The following AMZ1 variants were observed in gnomAD, a reference collection of about 807,000 sequenced individuals.
The protein encoded by AMZ1 is archaelysin family metallopeptidase 1, also known as archaemetzincin-1.
In AMZ1, 39 loss-of-function variants were observed where a neutral mutation model predicts 29.9. The observed-to-expected ratio is 1.30, with a 90% CI of 1.01 to 1.70. AMZ1 has a LOEUF of 1.70. Among genes scored for constraint, AMZ1 ranks in the 40% most tolerant of loss-of-function variants. The pLI, the probability that AMZ1 is intolerant of heterozygous loss-of-function variation, is 0.00. For missense variants in AMZ1, 1,041 were observed against 680.6 expected (o/e 1.53, Z -5.89); for synonymous variants, 458 against 304.0 (o/e 1.51, Z -5.27).
intron 1 of AMZ1, among the ~76,000 whole-genome samples, chr7:2,691,299 G>C (rs1353450317): frequency 1.4e-5 from 2 of 148,110 alleles, no homozygotes; most frequent in Non-Finnish European, 2.9e-5. Flanking sequence ...GTGAGGACTG[G>C]AGTCAGGGGT....
At chr7:2,740,721 T>C (rs762009564) in intron 4 of AMZ1, among the ~76,000 whole-genome samples, 2 of 152,172 alleles carry the variant, frequency 1.3e-5, no homozygotes, top group Non-Finnish European at 2.9e-5. Context: ...AGATGTTTAA[T>C]AGTTCAAATT....
chr7:2,692,320 C>T (rs1008718854), intron 1 of AMZ1, among the ~76,000 whole-genome samples: 28 of 152,128 alleles, frequency 1.8e-4, no homozygotes, highest in Admixed American at 1.8e-3. Context: ...GCGGGCGGAT[C>T]ATGAGGTCAG....
At chr7:2,684,909 G>C (rs1480652576), upstream of AMZ1, among the ~76,000 whole-genome samples, 8 of 141,202 alleles carry the variant, frequency 5.7e-5, no homozygotes, top group Admixed American at 3.8e-4. Flanking sequence ...AGTCTCTGTC[G>C]CCCAGGCTGG....
At chr7:2,764,979 C>T (rs1791744334) in intron 1 of AMZ1, 1 of 152,188 alleles carries the variant, frequency 6.6e-6, no homozygotes, top group African/African-American at 2.4e-5. Context: ...AAGTAATAAG[C>T]AGTTTGCTTT....
At chr7:2,757,543 G>C (rs772689248) in intron 4 of AMZ1, among the ~76,000 whole-genome samples, 1 of 152,188 alleles carries the variant, frequency 6.6e-6, no homozygotes, top group African/African-American at 2.4e-5. Context: ...ACAAGCCTTA[G>C]ATGGGAACGC....
In AMZ1 at chr7:2,731,840, A is replaced by G. The variant is rs889897945; in HGVS notation, n.550+22024A>G. 7 of 688,012 alleles carry G rather than the reference A, an allele frequency of 1.0e-5. No homozygotes were observed. In the African/African-American group the frequency reaches 1.2e-4, roughly 12 times the overall value. 42.6% of individuals were successfully genotyped at this position (688,012 alleles called of 1,614,324 possible). On this transcript the variant is annotated intron_variant and non_coding_transcript_variant, in intron 4 of 4. Transcript: ENST00000489665. The surrounding 1 kb of genome is among the most constrained non-coding windows in gnomAD (Gnocchi z 6.0). ...AAAAGATGGCAAAAAGATAAGAAGG[A>G]AAGAGACTGACTTTTGCAACAGGTT...
Position 2,713,000 on chromosome 7 carries a change from G to T in AMZ1, c.*122G>T, listed in dbSNP as rs1336223022. 28 of 1,132,674 alleles carry T rather than the reference G, an allele frequency of 2.5e-5. No homozygotes were observed. The highest frequency in any genetic ancestry group is 3.2e-5 in the Non-Finnish European group (27 of 856,510). 70.2% of individuals were successfully genotyped at this position (1,132,674 alleles called of 1,614,324 possible). ...AGGGTCTGCCTGGGTGGTGGCTCAG[G>T]CCTGTCATCCCATCACTTTGAGAGG... On this transcript the variant is annotated 3_prime_UTR_variant, in exon 7 of 7. Transcript: ENST00000683327.
upstream of AMZ1, among the ~76,000 whole-genome samples, chr7:2,684,231 C>T (rs189745829): frequency 6.6e-6 from 1 of 152,178 alleles, no homozygotes; most frequent in Admixed American, 6.5e-5. Flanking sequence ...CAATGAGGAA[C>T]CTCTTTCTGT....
At chr7:2,735,110 C>G (rs1790099319) in intron 4 of AMZ1, among the ~76,000 whole-genome samples, 1 of 98,034 alleles carries the variant, frequency 1.0e-5, no homozygotes, top group Admixed American at 1.1e-4. Flanking sequence ...GTTGGGTGCA[C>G]TCACTCCCTG....
intron 1 of AMZ1, among the ~76,000 whole-genome samples, chr7:2,690,662 G>C (rs1242108608): frequency 6.6e-6 from 1 of 152,038 alleles, no homozygotes; most frequent in South Asian, 2.1e-4. Flanking sequence ...GTGTGCAAAC[G>C]GCCTCTGTGG....
At chr7:2,743,454 T>G (rs2115335863) in intron 4 of AMZ1, among the ~76,000 whole-genome samples, 1 of 152,334 alleles carries the variant, frequency 6.6e-6, no homozygotes, top group South Asian at 2.1e-4. Context: ...GATACTGGGA[T>G]GGCTTGACAC....
At chr7:2,747,949 C>A (rs1278859003) in intron 4 of AMZ1, among the ~76,000 whole-genome samples, 2 of 151,332 alleles carry the variant, frequency 1.3e-5, no homozygotes, top group Middle Eastern at 3.2e-3. Flanking sequence ...ATCCAACTTA[C>A]AAGGGATGTG....
chr7:2,719,136 G>A lies in AMZ1; in HGVS notation c.*6258G>A, dbSNP rs757064414. On this transcript the variant is annotated 3_prime_UTR_variant, in exon 7 of 7. Transcript: ENST00000683327. Reference sequence around the variant, plus strand: ...CTTGTGAGGGCTCGAGGCCTTTACTGGATGGGCAGGATGCGGGCAGCAGCT... The same window carrying A: ...CTTGTGAGGGCTCGAGGCCTTTACTAGATGGGCAGGATGCGGGCAGCAGCT... Among the ~76,000 whole-genome samples, 2 of 152,120 alleles carry A rather than the reference G, an allele frequency of 1.3e-5. No individual in the cohort carries two copies. The highest frequency in any genetic ancestry group is 2.9e-5 in the Non-Finnish European group (2 of 68,024).
chr7:2,704,586 C>A (rs1367069473), intron 3 of AMZ1, among the ~76,000 whole-genome samples: 2 of 127,430 alleles, frequency 1.6e-5, no homozygotes, highest in African/African-American at 7.7e-5. Context: ...AGCAGTGTCA[C>A]GCTTTTTTTT....
chr7:2,733,342 G>C, intron 4 of AMZ1: 1 of 839,246 alleles, frequency 1.2e-6, no homozygotes, highest in Admixed American at 2.0e-5. Context: ...GACAGAACAA[G>C]CTCGGCCTGT....
At chr7:2,686,374 A>G (rs1052771887), upstream of AMZ1, among the ~76,000 whole-genome samples, 1 of 152,048 alleles carries the variant, frequency 6.6e-6, no homozygotes, top group Non-Finnish European at 1.5e-5. Context: ...CTCTACATAA[A>G]AGTTTCAAAA....
chr7:2,699,701 A>C (rs977321614), intron 1 of AMZ1, among the ~76,000 whole-genome samples: 1 of 151,848 alleles, frequency 6.6e-6, no homozygotes, highest in African/African-American at 2.4e-5. Context: ...GTAAGGAGGA[A>C]CCCCAGGCGA....
At position 2,731,152 on chromosome 7, in the gene AMZ1, AACG is replaced by A. The variant is rs1323198425; in HGVS notation, n.550+21342_550+21344del. On this transcript the variant is annotated intron_variant and non_coding_transcript_variant, in intron 4 of 4. Coordinates refer to the AMZ1 transcript ENST00000489665. This position sits in a 1 kb window ranked among gnomAD's most constrained non-coding sequence, Gnocchi z 6.0. ...TGACCGACAGCCGTGGGGGCTGCTCAACGACGACAAACCCCGGGGCTTCCTCGC... is the reference window on the plus strand; with the variant it reads ...TGACCGACAGCCGTGGGGGCTGCTCAACGACAAACCCCGGGGCTTCCTCGC... 6.6e-7 allele frequency: 1 copy of A among 1,516,722 alleles called. No individual in the cohort carries two copies. The highest frequency in any genetic ancestry group is 9.1e-7 in the Non-Finnish European group (1 of 1,104,688). The allele number at this position is 1,516,722 out of a possible 1,614,324, so 94.0% of individuals were successfully genotyped here.
Position 2,753,139 on chromosome 7 carries a change from C to T in AMZ1, n.551-11573C>T, listed in dbSNP as rs117136568. 8.8e-4 allele frequency among the ~76,000 whole-genome samples: 134 copies of T among 151,518 alleles called. 2 individuals are homozygous for T. In the East Asian group the frequency reaches 0.022, roughly 25 times the overall value. On this transcript the variant is annotated intron_variant and non_coding_transcript_variant, in intron 4 of 4. Coordinates refer to the AMZ1 transcript ENST00000489665. ...TTTCTAGAGTGTACTTAAAGTGAAA[C>T]CATACAGCATGCGGCTTTTTTTTTT...
Sources: gnomAD v4.1 joint callset for allele counts (sites outside exome capture counted in the v4.1 genomes callset) on GRCh38, gnomAD v4.1.1 for gene constraint, Gnocchi (gnomAD v3.1) non-coding constraint, MANE v1.5 for transcripts, NCBI Gene and HGNC (gene_info 2026-07-23, HGNC 2026-07-21) for gene names.